The following PRSS23 variants were observed in gnomAD, a reference collection of about 807,000 sequenced individuals.
The protein encoded by PRSS23 is protease, serine 23.
A neutral mutation model predicts 34.7 loss-of-function variants in PRSS23; 25 were observed. The observed-to-expected ratio is 0.72, with a 90% CI of 0.53 to 1.01. The LOEUF is 1.01. Among genes scored for constraint, PRSS23 ranks in the 50% least tolerant of loss-of-function variants. The pLI is 0.00. For missense variants in PRSS23, 445 were observed against 475.6 expected (o/e 0.94, Z 0.60); for synonymous variants, 176 against 186.6 (o/e 0.94, Z 0.46).
chr11:86,939,425 TA>T (rs201025293), intron 2 of PRSS23, among the ~76,000 whole-genome samples: 10,198 of 101,340 alleles, frequency 0.1, 636 homozygotes, highest in Non-Finnish European at 0.13. Context: ...TATATATATA[TA>T]TTTTTTAACA....
intron 2 of PRSS23, among the ~76,000 whole-genome samples, chr11:86,929,995 A>G (rs1317734444): frequency 1.3e-5 from 2 of 152,152 alleles, no homozygotes; most frequent in African/African-American, 2.4e-5. Context: ...TACTAATAGT[A>G]TAACACTAAT....
chr11:86,879,075 C>T (rs11234851), intron 2 of PRSS23, among the ~76,000 whole-genome samples: 2 of 118,378 alleles, frequency 1.7e-5, no homozygotes, highest in Admixed American at 8.2e-5. Context: ...TCTGCCCGGC[C>T]GCCATCCCGT....
intron 2 of PRSS23, among the ~76,000 whole-genome samples, chr11:86,831,223 A>C (rs1261107613): frequency 6.6e-6 from 1 of 152,072 alleles, no homozygotes; most frequent in South Asian, 2.1e-4. Context: ...ATCCTAAGGG[A>C]ATATTACTCC....
intron 2 of PRSS23, chr11:86,949,052 G>A (rs1372560365): frequency 1.3e-5 from 2 of 152,350 alleles, no homozygotes; most frequent in Non-Finnish European, 2.9e-5. Context: ...AGTATCAGAT[G>A]GAGTTAAAAT....
chr11:86,893,209 A>G (rs1399432970), intron 2 of PRSS23, among the ~76,000 whole-genome samples: 2 of 152,226 alleles, frequency 1.3e-5, no homozygotes, highest in Non-Finnish European at 2.9e-5. Flanking sequence ...GAGCTTTCAA[A>G]GAGAGCTTAG....
downstream of PRSS23, among the ~76,000 whole-genome samples, chr11:86,814,752 C>T (rs546958374): frequency 2.6e-5 from 4 of 152,272 alleles, no homozygotes; most frequent in African/African-American, 7.2e-5. Flanking sequence ...CCTCCAGGGA[C>T]ACTTGGGACA....
At chr11:86,800,729 G>A in intron 1 of PRSS23, 78 bp downstream of exon 1, 1 of 827,868 alleles carries the variant, frequency 1.2e-6, no homozygotes, top group Non-Finnish European at 1.5e-6. Flanking sequence ...ACAAAGGGCC[G>A]GGTATGCGCG....
At position 86,809,756 on chromosome 11, in the gene PRSS23, T is replaced by TA. The variant is rs1362544021; in HGVS notation, c.*964dup. On this transcript the variant is annotated 3_prime_UTR_variant, in exon 2 of 2. Transcript: ENST00000280258. ...TTGGATGGAGTAATTTAAAATGAAT[T>TA]AAATTCCAGAGAACAATGGAAGCAT... The TA allele has an allele frequency of 1.2e-5, 2 of 167,044 alleles. No homozygotes were observed. Among genetic ancestry groups the TA allele is most frequent in the African/African-American group, 4.8e-5 (2 of 41,454 alleles). The allele number at this position is 167,044 out of a possible 1,614,324, so 10.3% of individuals were successfully genotyped here.
chr11:86,923,561 T>G (rs1193824559), intron 2 of PRSS23, among the ~76,000 whole-genome samples: 3 of 152,200 alleles, frequency 2.0e-5, no homozygotes, highest in South Asian at 2.1e-4. Context: ...TCTCTGGACC[T>G]CCTCTCTTGT....
At chr11:86,821,079 G>A (rs1252466461) in intron 1 of PRSS23, 9 of 351,784 alleles carry the variant, frequency 2.6e-5, no homozygotes, top group Non-Finnish European at 4.0e-5. Flanking sequence ...TGTCTAAAAT[G>A]ATATATACAG....
At chr11:86,891,339 T>A (rs1590915925) in intron 2 of PRSS23, among the ~76,000 whole-genome samples, 1 of 152,264 alleles carries the variant, frequency 6.6e-6, no homozygotes, top group African/African-American at 2.4e-5. Flanking sequence ...CTTTCTTGTT[T>A]AAAGGTCCTG....
chr11:86,924,764 G>A (rs540351064), intron 2 of PRSS23, among the ~76,000 whole-genome samples: 1 of 152,228 alleles, frequency 6.6e-6, no homozygotes, highest in African/African-American at 2.4e-5. Flanking sequence ...ATGGTCCAAG[G>A]GCTCCCCAAA....
chr11:86,925,805 C>T (rs1013894001), intron 2 of PRSS23, among the ~76,000 whole-genome samples: 12 of 152,206 alleles, frequency 7.9e-5, no homozygotes, highest in African/African-American at 2.9e-4. Context: ...CAGCTACTAA[C>T]CAACACTGTC....
chr11:86,855,559 G>A (rs1425690078), intron 2 of PRSS23, among the ~76,000 whole-genome samples: 2 of 152,172 alleles, frequency 1.3e-5, no homozygotes, highest in African/African-American at 4.8e-5. Context: ...ATAGAGGCAT[G>A]ATCTTGGCTC....
At chr11:86,832,723 G>C (rs992417421) in intron 2 of PRSS23, 2 of 305,704 alleles carry the variant, frequency 6.5e-6, no homozygotes, top group African/African-American at 2.2e-5. Context: ...CAACTGACAG[G>C]GGAGACCCAC....
At chr11:86,826,830 C>G (rs999091037) in intron 2 of PRSS23, among the ~76,000 whole-genome samples, 1 of 152,070 alleles carries the variant, frequency 6.6e-6, no homozygotes, top group Non-Finnish European at 1.5e-5. Flanking sequence ...GCCTTGCATC[C>G]CAGGGATGAA....
chr11:86,821,396 C>A, intron 1 of PRSS23: 1 of 1,341,760 alleles, frequency 7.5e-7, no homozygotes, highest in South Asian at 1.2e-5. Flanking sequence ...GCTAACCCTG[C>A]TGGGAAAACA....
chr11:86,850,766 C>A (rs1433251261), intron 2 of PRSS23, among the ~76,000 whole-genome samples: 1 of 152,192 alleles, frequency 6.6e-6, no homozygotes, highest in East Asian at 1.9e-4. Context: ...CCTGTAAGAT[C>A]CTGTCTCCTT....
In PRSS23 at chr11:86,826,400, G is replaced by T. The variant is rs886855306; in HGVS notation, c.206+2807G>T. 2.6e-5 allele frequency among the ~76,000 whole-genome samples: 4 copies of T among 152,242 alleles called. No homozygotes were observed. The East Asian group carries it at 7.7e-4, about 29-fold the overall frequency. ...GCTTAAGGAGATTTTGCGCTGAGAC[G>T]ATGGGGTTTTCTAGATATACAATCA... On this transcript the variant is annotated intron_variant, in intron 2 of 2. Coordinates refer to the PRSS23 transcript ENST00000533902.
Sources: gnomAD v4.1 joint callset for allele counts (sites outside exome capture counted in the v4.1 genomes callset) on GRCh38, gnomAD v4.1.1 for gene constraint, MANE v1.5 for transcripts, NCBI Gene and HGNC (gene_info 2026-07-23, HGNC 2026-07-21) for gene names.